Variants in TENM3 observed in about 807,000 individuals in gnomAD.
TENM3 encodes teneurin-3.
In TENM3, 63 loss-of-function variants were observed where a neutral mutation model predicts 255.1. That is an observed-to-expected ratio of 0.25 (90% CI 0.20 to 0.30). The LOEUF is 0.30. TENM3 is among the 10% of genes least tolerant of loss of function. The pLI, the probability that TENM3 is intolerant of heterozygous loss-of-function variation, is 1.00. For synonymous variants in TENM3, 1,306 were observed against 1,322.3 expected (o/e 0.99, Z 0.27); for missense variants, 2,929 against 3,461.1 (o/e 0.85, Z 3.86).
chr4:181,794,666 CTGTGTGTGTGTG>C, the TENM3 span, among the ~76,000 whole-genome samples: 7 of 142,998 alleles, frequency 4.9e-5, no homozygotes, highest in Admixed American at 1.4e-4. Flanking sequence ...AATAATATCC[CTGTGTGTGTGTG>C]TGTGTGTGTG....
intron 7 of TENM3, among the ~76,000 whole-genome samples, chr4:182,673,972 T>A (rs542483985): frequency 3.3e-5 from 5 of 152,316 alleles, no homozygotes; most frequent in African/African-American, 9.6e-5. Flanking sequence ...TCGCTTAATA[T>A]AGGTTTCATC....
At chr4:181,699,464 AAAAAAAAAG>A in the TENM3 span, among the ~76,000 whole-genome samples, 5 of 148,850 alleles carry the variant, frequency 3.4e-5, no homozygotes, top group African/African-American at 9.9e-5. Context: ...AAAAAAAAAA[AAAAAAAAAG>A]AAAGAAAGAA....
the TENM3 span, among the ~76,000 whole-genome samples, chr4:181,526,224 T>C: frequency 6.6e-6 from 1 of 151,892 alleles, no homozygotes; most frequent in Non-Finnish European, 1.5e-5. Flanking sequence ...TTCTATGGAA[T>C]TTAATCACTT....
chr4:182,304,275 C>T (rs1040557355), intron 1 of TENM3, among the ~76,000 whole-genome samples: 9 of 151,812 alleles, frequency 5.9e-5, no homozygotes, highest in African/African-American at 2.2e-4. Context: ...TGCAGTGGTA[C>T]GATCTTGGCT....
chr4:181,774,008 T>C, the TENM3 span, among the ~76,000 whole-genome samples: 2 of 94,934 alleles, frequency 2.1e-5, no homozygotes, highest in Non-Finnish European at 4.2e-5. Flanking sequence ...GCTGTGTTTT[T>C]TTTTTTTTTT....
chr4:182,503,485 A>G (rs1193355953), intron 3 of TENM3, among the ~76,000 whole-genome samples: 1 of 152,134 alleles, frequency 6.6e-6, no homozygotes, highest in Non-Finnish European at 1.5e-5. Flanking sequence ...AAATGCACTT[A>G]CTACATATAT....
intron 22 of TENM3, among the ~76,000 whole-genome samples, chr4:182,772,827 A>G (rs916597345): frequency 2.6e-5 from 4 of 152,214 alleles, no homozygotes; most frequent in Admixed American, 2.6e-4. Context: ...AACACAGTAA[A>G]TCACCATGCA....
intron 3 of TENM3, among the ~76,000 whole-genome samples, chr4:182,513,710 C>G (rs941576294): frequency 6.6e-6 from 1 of 152,182 alleles, no homozygotes; most frequent in African/African-American, 2.4e-5. Context: ...TGGGGCCTTG[C>G]TGACCCTGGA....
At chr4:182,448,910 C>G in intron 3 of TENM3, 1 of 340,206 alleles carries the variant, frequency 2.9e-6, no homozygotes, top group Non-Finnish European at 6.0e-6. Context: ...AAGCGGCGCA[C>G]CGCCCCCTCG....
chr4:182,581,520 C>A (rs1238662328), intron 3 of TENM3, among the ~76,000 whole-genome samples: 3 of 152,050 alleles, frequency 2.0e-5, no homozygotes, highest in Non-Finnish European at 4.4e-5. Flanking sequence ...GGCGGATCAC[C>A]TGAGGTCAGG....
chr4:182,745,950 G>C (rs1761985365), intron 19 of TENM3, among the ~76,000 whole-genome samples: 1 of 152,012 alleles, frequency 6.6e-6, no homozygotes, highest in Admixed American at 6.6e-5. Context: ...CTTCTCCTCT[G>C]TCCATCATCC....
chr4:181,626,222 C>A, the TENM3 span, among the ~76,000 whole-genome samples: 3 of 151,996 alleles, frequency 2.0e-5, no homozygotes, highest in African/African-American at 7.2e-5. Context: ...TGCATGAAGG[C>A]CCTCATGCAG....
chr4:182,665,827 C>T (rs1001847492), intron 6 of TENM3, among the ~76,000 whole-genome samples: 5 of 152,086 alleles, frequency 3.3e-5, no homozygotes, highest in African/African-American at 1.2e-4. Flanking sequence ...ACCCGGGAGG[C>T]GGAGGTTGCA....
chr4:182,783,686 G>A (rs1400607833), intron 24 of TENM3, among the ~76,000 whole-genome samples: 1 of 151,974 alleles, frequency 6.6e-6, no homozygotes, highest in African/African-American at 2.4e-5. Context: ...ATCACTTTCA[G>A]GTACACCAAT....
chr4:182,193,130 T>A (rs1753624129), intron 1 of TENM3, among the ~76,000 whole-genome samples: 1 of 152,192 alleles, frequency 6.6e-6, no homozygotes, highest in South Asian at 2.1e-4. Context: ...GTATACACCA[T>A]CACAGGTTTG....
the TENM3 span, among the ~76,000 whole-genome samples, chr4:182,001,244 T>TA: frequency 9.2e-5 from 14 of 151,838 alleles, no homozygotes; most frequent in Middle Eastern, 3.4e-3. Flanking sequence ...TTTTTCAATA[T>TA]AAAAAAAACT....
At chr4:182,267,941 C>T (rs1470967528) in intron 1 of TENM3, among the ~76,000 whole-genome samples, 2 of 152,088 alleles carry the variant, frequency 1.3e-5, no homozygotes, top group Non-Finnish European at 2.9e-5. Flanking sequence ...CTAGGCTAAC[C>T]CTGCTTATTC....
In TENM3 at chr4:182,161,181, C is replaced by T. The variant is rs533910122; in HGVS notation, c.-76+16427C>T. On this transcript the variant is annotated intron_variant, in intron 1 of 2. Transcript: ENST00000512480. ...CCTGTAATCCCAGCACTTTGGGAGGCCGAGGCGGGCGGATCACGAGGTCAG... is the reference window on the plus strand; with the variant it reads ...CCTGTAATCCCAGCACTTTGGGAGGTCGAGGCGGGCGGATCACGAGGTCAG... Among the ~76,000 whole-genome samples, 8 of 142,670 alleles carry T rather than the reference C, an allele frequency of 5.6e-5. 1 individual carries two copies. The South Asian group carries it at 2.0e-3, about 35-fold the overall frequency. 93.6% of individuals were successfully genotyped at this position (142,670 alleles called of 152,430 possible).
chr4:181,533,136 C>T, the TENM3 span, among the ~76,000 whole-genome samples: 45 of 152,106 alleles, frequency 3.0e-4, no homozygotes, highest in Middle Eastern at 3.4e-3. Flanking sequence ...AGGGCAGGAC[C>T]GGGAGGGGAA....
Sources: allele counts gnomAD v4.1 joint callset (sites outside exome capture counted in the v4.1 genomes callset), GRCh38; gene constraint gnomAD v4.1.1; transcripts MANE v1.5; gene names NCBI Gene and HGNC (gene_info 2026-07-23, HGNC 2026-07-21).